MRPL48: variants seen among roughly 807,000 people sequenced by gnomAD.
MRPL48 encodes the protein mitochondrial ribosomal protein L48, also known as large ribosomal subunit protein mL48.
Under a neutral mutation model 32.9 loss-of-function variants are expected in MRPL48, and 16 were observed. That is an observed-to-expected ratio of 0.49 (90% CI 0.33 to 0.74). The LOEUF is 0.74. MRPL48 is among the 30% of genes least tolerant of loss of function. The pLI is 0.02. For missense variants in MRPL48, 206 were observed against 245.3 expected, an observed-to-expected ratio of 0.84 and a Z score of 1.07; for synonymous variants, 94 against 89.2, an observed-to-expected ratio of 1.05 and a Z score of -0.31.
chr11:73,860,215 T>G lies in MRPL48; in HGVS notation c.474+206T>G, dbSNP rs7124674. The G allele has an allele frequency of 0.057, 27,335 of 477,430 alleles. 848 individuals carry two copies. Among genetic ancestry groups the G allele is most frequent in the Middle Eastern group, 0.094 (159 of 1,700 alleles). The allele number at this position is 477,430 out of a possible 1,614,324, so 29.6% of individuals were successfully genotyped here. A position where few individuals can be genotyped will look rare whatever the true frequency, so the allele number is the denominator to read the frequency against. ...TTCCTTAGGCCTCAGTGATCATCAT[T>G]TAATACTGATAACCCCCAGATGTAT... On this transcript the variant is annotated intron_variant, in intron 6 of 7. Transcript: ENST00000310614.
At chr11:73,837,466 C>A (rs1445631997) in intron 4 of MRPL48, among the ~76,000 whole-genome samples, 1 of 152,158 alleles carries the variant, frequency 6.6e-6, no homozygotes, top group African/African-American at 2.4e-5. Context: ...TAATTTGATT[C>A]CTTTCTTTAT....
intron 1 of MRPL48, among the ~76,000 whole-genome samples, chr11:73,792,824 T>C (rs558155032): frequency 1.3e-5 from 2 of 152,362 alleles, no homozygotes; most frequent in South Asian, 4.1e-4. Context: ...ATCATCATTG[T>C]TACCAGTTTG....
At chr11:73,812,181 C>T (rs577102557) in intron 3 of MRPL48, among the ~76,000 whole-genome samples, 82 of 152,162 alleles carry the variant, frequency 5.4e-4, no homozygotes, top group Middle Eastern at 3.4e-3. Context: ...CCACCGCGCC[C>T]GGCCCTCTTT....
chr11:73,857,855 AG>A (rs1948513250), intron 5 of MRPL48, among the ~76,000 whole-genome samples: 1 of 152,038 alleles, frequency 6.6e-6, no homozygotes, highest in Non-Finnish European at 1.5e-5. Flanking sequence ...AACCTCCCAA[AG>A]GGCTGGGATT....
intron 4 of MRPL48, among the ~76,000 whole-genome samples, chr11:73,831,846 G>A (rs992109244): frequency 4.6e-5 from 7 of 150,800 alleles, no homozygotes; most frequent in South Asian, 2.1e-4. Flanking sequence ...AGACTGAGGC[G>A]GGAGAATCGC....
intron 3 of MRPL48, 133 bp downstream of exon 3, chr11:73,808,483 G>A: frequency 1.2e-6 from 1 of 835,716 alleles, no homozygotes; most frequent in Non-Finnish European, 1.9e-6. Flanking sequence ...CCCTCCATGT[G>A]AGCATGGAAT....
At chr11:73,788,477 T>TC (rs999757306) in intron 1 of MRPL48, among the ~76,000 whole-genome samples, 1 of 145,258 alleles carries the variant, frequency 6.9e-6, no homozygotes, top group African/African-American at 2.5e-5. Context: ...TCTTTCTTTT[T>TC]TTTTTTTTTT....
chr11:73,807,080 G>A (rs1421675777), intron 2 of MRPL48, among the ~76,000 whole-genome samples: 1 of 152,010 alleles, frequency 6.6e-6, no homozygotes, highest in Non-Finnish European at 1.5e-5. Context: ...ATGTTGACCT[G>A]GCTAGTTTCG....
At chr11:73,856,097 C>T (rs2135080430) in intron 5 of MRPL48, among the ~76,000 whole-genome samples, 1 of 152,314 alleles carries the variant, frequency 6.6e-6, no homozygotes, top group Non-Finnish European at 1.5e-5. Context: ...TGAATTCTAA[C>T]AGGCATGGCG....
chr11:73,846,973 C>CT (rs1163221785), intron 5 of MRPL48, among the ~76,000 whole-genome samples: 2,583 of 141,544 alleles, frequency 0.018, 76 homozygotes, highest in African/African-American at 0.059. Flanking sequence ...TTCTTTTTTT[C>CT]TTTTTTTTTT....
At chr11:73,809,609 G>A (rs1947532065) in intron 3 of MRPL48, among the ~76,000 whole-genome samples, 1 of 152,078 alleles carries the variant, frequency 6.6e-6, no homozygotes, top group Admixed American at 6.6e-5. Context: ...CCATCATCAG[G>A]CTAGGGCTTT....
chr11:73,808,083 C>T (rs1175937375), intron 2 of MRPL48, among the ~76,000 whole-genome samples: 1 of 152,168 alleles, frequency 6.6e-6, no homozygotes, highest in Non-Finnish European at 1.5e-5. Flanking sequence ...TTACCAGCAC[C>T]TTTCCCAACT....
chr11:73,812,066 T>G (rs949341337), intron 3 of MRPL48, among the ~76,000 whole-genome samples: 1 of 152,086 alleles, frequency 6.6e-6, no homozygotes, highest in Non-Finnish European at 1.5e-5. Flanking sequence ...TTTGTATTTT[T>G]TAGTAGAGAT....
chr11:73,826,873 T>C (rs930104566), intron 4 of MRPL48, among the ~76,000 whole-genome samples: 3 of 149,736 alleles, frequency 2.0e-5, no homozygotes. Context: ...ACCTCCTGGG[T>C]TCAAACGATT....
At chr11:73,840,999 G>T (rs1948177201) in intron 4 of MRPL48, among the ~76,000 whole-genome samples, 1 of 152,100 alleles carries the variant, frequency 6.6e-6, no homozygotes, top group East Asian at 1.9e-4. Flanking sequence ...ACAAAAGATA[G>T]TATCCAAATA....
At chr11:73,797,752 G>A (rs778378060) in intron 1 of MRPL48, among the ~76,000 whole-genome samples, 9 of 152,218 alleles carry the variant, frequency 5.9e-5, no homozygotes, top group Non-Finnish European at 8.8e-5. Flanking sequence ...TAGTGTGAGC[G>A]GAGGACAGCC....
intron 1 of MRPL48, among the ~76,000 whole-genome samples, chr11:73,794,857 G>T (rs369376786): frequency 6.7e-6 from 1 of 148,168 alleles, no homozygotes; most frequent in Middle Eastern, 3.5e-3. Flanking sequence ...CGATTCTCCT[G>T]CCTCGACCTC....
chr11:73,796,224 C>T (rs910812810), intron 1 of MRPL48, among the ~76,000 whole-genome samples: 3 of 152,228 alleles, frequency 2.0e-5, no homozygotes, highest in African/African-American at 7.2e-5. Context: ...GTTACGGCCG[C>T]CCAAACTGTG....
intron 3 of MRPL48, 134 bp downstream of exon 3, chr11:73,808,484 AG>A: frequency 1.2e-5 from 10 of 811,662 alleles, no homozygotes; most frequent in Non-Finnish European, 2.0e-5. Flanking sequence ...CCTCCATGTG[AG>A]CATGGAATAG....
Sources: gnomAD v4.1 joint callset for allele counts (sites outside exome capture counted in the v4.1 genomes callset) on GRCh38, gnomAD v4.1.1 for gene constraint, MANE v1.5 for transcripts, NCBI Gene and HGNC (gene_info 2026-07-23, HGNC 2026-07-21) for gene names.